TBC1D14: variants seen among roughly 807,000 people sequenced by gnomAD.
The protein encoded by TBC1D14 is TBC1 domain family member 14.
TBC1D14 carries 26 observed loss-of-function variants against 79.0 expected under a neutral mutation model. That is an observed-to-expected ratio of 0.33 (90% CI 0.24 to 0.46). TBC1D14 has a LOEUF of 0.46. Among genes scored for constraint, TBC1D14 ranks in the 20% least tolerant of loss-of-function variants. The probability of loss-of-function intolerance (pLI) is 1.00; values close to 1 mark genes in which losing one functional copy is unlikely to be tolerated. For missense variants in TBC1D14, 769 were observed against 887.6 expected (o/e 0.87, Z 1.70); for synonymous variants, 394 against 349.9 (o/e 1.13, Z -1.40).
intron 13 of TBC1D14, among the ~76,000 whole-genome samples, chr4:7,029,003 A>G (rs1722768270): frequency 6.6e-6 from 1 of 152,084 alleles, no homozygotes; most frequent in Non-Finnish European, 1.5e-5. Context: ...ATACCCAGCC[A>G]ATATTTGTTT....
At chr4:6,949,772 T>A (rs1484552970) in intron 2 of TBC1D14, among the ~76,000 whole-genome samples, 1 of 152,074 alleles carries the variant, frequency 6.6e-6, no homozygotes, top group Non-Finnish European at 1.5e-5. Context: ...TTTTTTTTTT[T>A]AATGTAAAGG....
intron 2 of TBC1D14, among the ~76,000 whole-genome samples, chr4:6,924,492 C>T (rs1363371341): frequency 6.6e-6 from 1 of 152,176 alleles, no homozygotes; most frequent in Non-Finnish European, 1.5e-5. Flanking sequence ...GAGTAACTCT[C>T]ATTTCTACTG....
At chr4:7,029,670 C>A (rs536516347) in intron 13 of TBC1D14, among the ~76,000 whole-genome samples, 2 of 152,124 alleles carry the variant, frequency 1.3e-5, no homozygotes, top group Non-Finnish European at 2.9e-5. Flanking sequence ...ACTAAAAATA[C>A]AAAAATTAGC....
chr4:7,010,861 GA>G, intron 11 of TBC1D14, 80 bp downstream of exon 11: 1 of 1,471,750 alleles, frequency 6.8e-7, no homozygotes, highest in Non-Finnish European at 9.2e-7. Context: ...GTTTTCGGTG[GA>G]AAAAAAGAAT....
rs1717974626 is a variant in TBC1D14 at position 6,987,429 on chromosome 4, G to C, written c.844-6755G>C. ...CGTGGGCCTGTCCTGTCCTGGGCCTGCCAGCCCTGCGGCCCCGCGCAGGTG... is the reference window on the plus strand; with the variant it reads ...CGTGGGCCTGTCCTGTCCTGGGCCTCCCAGCCCTGCGGCCCCGCGCAGGTG... On this transcript the variant is annotated intron_variant, in intron 3 of 13. Coordinates refer to ENST00000409757, the MANE Select transcript of TBC1D14 (RefSeq NM_020773.3). 10 of 1,255,830 alleles carry C rather than the reference G, an allele frequency of 8.0e-6. No individual in the cohort carries two copies. In the East Asian group the frequency reaches 2.8e-4, roughly 36 times the overall value. The allele number at this position is 1,255,830 out of a possible 1,614,324, so 77.8% of individuals were successfully genotyped here.
At chr4:6,913,849 C>G (rs978286843) in intron 1 of TBC1D14, among the ~76,000 whole-genome samples, 2 of 152,124 alleles carry the variant, frequency 1.3e-5, no homozygotes, top group Admixed American at 6.6e-5. Context: ...AATGTCCTGG[C>G]CAGGCGCTGT....
intron 12 of TBC1D14, among the ~76,000 whole-genome samples, chr4:7,016,596 C>G (rs1721304316): frequency 6.6e-6 from 1 of 152,192 alleles, no homozygotes; most frequent in Non-Finnish European, 1.5e-5. Context: ...CCTTTACTTG[C>G]AAAAGGAAAT....
chr4:7,004,567 T>C (rs1287083566), intron 7 of TBC1D14, among the ~76,000 whole-genome samples: 2 of 152,164 alleles, frequency 1.3e-5, no homozygotes, highest in Non-Finnish European at 2.9e-5. Context: ...AGTAGACAAG[T>C]CACAAAGACC....
intron 2 of TBC1D14, among the ~76,000 whole-genome samples, chr4:6,933,753 A>C (rs76786107): frequency 6.6e-6 from 1 of 152,210 alleles, no homozygotes; most frequent in East Asian, 1.9e-4. Flanking sequence ...TGCCTGCCAT[A>C]GGAGTAGTGA....
intron 2 of TBC1D14, among the ~76,000 whole-genome samples, chr4:6,958,946 G>C (rs1714924050): frequency 6.6e-6 from 1 of 151,698 alleles, no homozygotes; most frequent in Admixed American, 6.6e-5. Context: ...TGCAGTGGTG[G>C]GATCTCGGCT....
rs1010377170 is a variant in TBC1D14, at chr4:6,956,353, ATCT to A, written c.723-10947_723-10945del. 1.2e-4 allele frequency among the ~76,000 whole-genome samples: 19 copies of A among 152,282 alleles called. No homozygotes were observed. The East Asian group carries it at 2.5e-3, about 20-fold the overall frequency. On this transcript the variant is annotated intron_variant, in intron 2 of 13. Coordinates refer to ENST00000409757, the MANE Select transcript of TBC1D14 (RefSeq NM_020773.3). Reference sequence around the variant, plus strand: ...AGCAGCTCTGGCTCACTGTGGCCACATCTTCTATTCCAAGAGAAGCTGGAAACC... The same window carrying A: ...AGCAGCTCTGGCTCACTGTGGCCACATCTATTCCAAGAGAAGCTGGAAACC...
chr4:6,941,226 C>A lies in TBC1D14; in HGVS notation c.722+17115C>A, dbSNP rs180899658. On this transcript the variant is annotated intron_variant, in intron 2 of 13. Transcript: ENST00000409757. ...TTTGAGATGCGGTCTCACTCTGTGG[C>A]CCAGGCTGGAGTGCAATGGCATGAT... Among the ~76,000 whole-genome samples the A allele has an allele frequency of 8.1e-3, 1,113 of 137,050 alleles. 15 individuals carry two copies. Among genetic ancestry groups the A allele is most frequent in the African/African-American group, 0.031 (1,056 of 34,580 alleles). The allele number at this position is 137,050 out of a possible 152,430, so 89.9% of individuals were successfully genotyped here.
At chr4:6,997,223 G>A (rs1719150554) in intron 5 of TBC1D14, 2 of 152,294 alleles carry the variant, frequency 1.3e-5, no homozygotes, top group African/African-American at 4.8e-5. Context: ...TCCCCTGCTA[G>A]AGCCTCCAGA....
At chr4:7,025,506 A>G (rs754113181) in intron 13 of TBC1D14, among the ~76,000 whole-genome samples, 19 of 152,166 alleles carry the variant, frequency 1.2e-4, no homozygotes, top group Non-Finnish European at 1.9e-4. Flanking sequence ...CCTCCTCTGC[A>G]GTGGCATTGG....
At chr4:6,927,426 A>G (rs1352851680) in intron 2 of TBC1D14, among the ~76,000 whole-genome samples, 1 of 152,222 alleles carries the variant, frequency 6.6e-6, no homozygotes, top group African/African-American at 2.4e-5. Context: ...AGTAGGGGAT[A>G]AAACTACTGT....
chr4:6,924,989 T>A (rs1465353915), intron 2 of TBC1D14, among the ~76,000 whole-genome samples: 2 of 151,568 alleles, frequency 1.3e-5, no homozygotes, highest in East Asian at 3.9e-4. Flanking sequence ...CTGTGGAGAG[T>A]ACGTGTAGAA....
At chr4:6,945,619 C>T (rs1427160787) in intron 2 of TBC1D14, among the ~76,000 whole-genome samples, 3 of 151,940 alleles carry the variant, frequency 2.0e-5, no homozygotes, top group East Asian at 3.9e-4. Flanking sequence ...GTGGTGGCAA[C>T]GCGCCTGTAA....
At chr4:6,954,163 G>C (rs1285007184) in intron 2 of TBC1D14, 1 of 633,072 alleles carries the variant, frequency 1.6e-6, no homozygotes, top group African/African-American at 1.8e-5. Context: ...GCCTTCATCT[G>C]GCAGACGCGA....
intron 9 of TBC1D14, among the ~76,000 whole-genome samples, chr4:7,007,082 C>T (rs1216711717): frequency 2.0e-5 from 3 of 152,164 alleles, no homozygotes; most frequent in Non-Finnish European, 4.4e-5. Flanking sequence ...TAGCAGTCTG[C>T]GCTCAGCAAG....
Sources: allele counts gnomAD v4.1 joint callset (sites outside exome capture counted in the v4.1 genomes callset), GRCh38; gene constraint gnomAD v4.1.1; transcripts MANE v1.5; gene names NCBI Gene and HGNC (gene_info 2026-07-23, HGNC 2026-07-21).